NFIX: variants seen among roughly 807,000 people sequenced by gnomAD.
The protein encoded by NFIX is nuclear factor I X.
NFIX carries 2 observed loss-of-function variants against 53.3 expected under a neutral mutation model. The ratio of observed to expected loss-of-function variants is 0.04; its 90% CI spans 0.02 to 0.12. The LOEUF is 0.12. Among genes scored for constraint, NFIX ranks in the 10% least tolerant of loss-of-function variants. The pLI is 1.00. For synonymous variants in NFIX, 244 were observed against 289.0 expected, an observed-to-expected ratio of 0.84 and a Z score of 1.58; for missense variants, 310 against 674.5, an observed-to-expected ratio of 0.46 and a Z score of 5.99.
chr19:13,026,380 C>CAA (rs764058826), intron 2 of NFIX, among the ~76,000 whole-genome samples: 4 of 128,918 alleles, frequency 3.1e-5, no homozygotes, highest in African/African-American at 1.1e-4. Context: ...ACAAACAAAC[C>CAA]AAAAAAAAAA....
chr19:13,090,416 A>G lies in NFIX; in HGVS notation c.1494+26A>G. 6.3e-7 allele frequency: 1 copy of G among 1,595,038 alleles called. No individual in the cohort carries two copies. The highest frequency in any genetic ancestry group is 8.6e-7 in the Non-Finnish European group (1 of 1,162,796). ...GTAGGAGACCCTGCCCACCACCTGG[A>G]TGCAGGGACCAGGGGAGTAGTCAGG... On this transcript the variant is annotated intron_variant, in intron 10 of 10. Coordinates refer to ENST00000592199, the MANE Select transcript of NFIX (RefSeq NM_001365902.3). The surrounding 1 kb of genome is among the most constrained non-coding windows in gnomAD (Gnocchi z 6.6).
rs1373150630 is a variant in NFIX, at chr19:13,081,058, G to A, written c.1079-622G>A. On this transcript the variant is annotated intron_variant, in intron 7 of 10. Transcript: ENST00000592199. The surrounding 1 kb of genome is among the most constrained non-coding windows in gnomAD (Gnocchi z 4.7). ...CTCATGCCTGTAATCCCAGCACTTT[G>A]GGAGGCCAAGGCAGGCAGATCACTT... 6.6e-6 allele frequency among the ~76,000 whole-genome samples: 1 copy of A among 151,950 alleles called. No homozygotes were observed. Among genetic ancestry groups the A allele is most frequent in the East Asian group, 1.9e-4 (1 of 5,186 alleles).
chr19:13,000,021 G>A (rs532067295), intron 1 of NFIX, among the ~76,000 whole-genome samples: 1 of 152,334 alleles, frequency 6.6e-6, no homozygotes, highest in South Asian at 2.1e-4. Flanking sequence ...AGAGCCGAGG[G>A]CTCTGCCGGG....
Position 13,011,433 on chromosome 19 carries a change from C to T in NFIX, c.28-13588C>T, listed in dbSNP as rs2012336142. Among the ~76,000 whole-genome samples, 1 of 152,224 alleles carries T rather than the reference C, an allele frequency of 6.6e-6. No homozygotes were observed. The highest frequency in any genetic ancestry group is 2.4e-5 in the African/African-American group (1 of 41,468). On this transcript the variant is annotated intron_variant, in intron 1 of 10. Transcript: ENST00000592199. This position sits in a 1 kb window ranked among gnomAD's most constrained non-coding sequence, Gnocchi z 6.5. ...GCTCGGGCCGCACGCTACCCGCCCT[C>T]CAGGCCTTCGCTCCAGGTGCGCCCG...
chr19:13,092,131 G>C (rs2018182944), intron 10 of NFIX, among the ~76,000 whole-genome samples: 1 of 152,162 alleles, frequency 6.6e-6, no homozygotes, highest in South Asian at 2.1e-4. Flanking sequence ...GGCGCAGGGG[G>C]TACAGCCGGG....
chr19:13,044,771 TGTC>T (rs2014876711), intron 2 of NFIX, among the ~76,000 whole-genome samples: 2 of 152,246 alleles, frequency 1.3e-5, no homozygotes, highest in East Asian at 1.9e-4. Context: ...AGATTACAAT[TGTC>T]GTAATTACAG....
Position 13,052,468 on chromosome 19 carries a change from G to T in NFIX, c.560-20579G>T, listed in dbSNP as rs1005433551. Among the ~76,000 whole-genome samples the T allele has an allele frequency of 6.6e-6, 1 of 152,204 alleles. No homozygotes were observed. Among genetic ancestry groups the T allele is most frequent in the Non-Finnish European group, 1.5e-5 (1 of 68,024 alleles). ...ATGTCCTGGTGACGATGCAGGAGCT[G>T]CCAGGCAGGACCACCATGAGTCACT... On this transcript the variant is annotated intron_variant, in intron 2 of 10. Transcript: ENST00000592199. This position sits in a 1 kb window ranked among gnomAD's most constrained non-coding sequence, Gnocchi z 5.2.
At position 13,037,345 on chromosome 19, in the gene NFIX, A is replaced by G. The variant is rs993503164; in HGVS notation, c.559+11793A>G. ...AGGGCATGACCACTTCCCCTACCAG[A>G]CGTAGTAGGCCAGTTTCAGCCTTAG... On this transcript the variant is annotated intron_variant, in intron 2 of 10. Coordinates refer to ENST00000592199, the MANE Select transcript of NFIX (RefSeq NM_001365902.3). This position sits in a 1 kb window ranked among gnomAD's most constrained non-coding sequence, Gnocchi z 4.2. Among the ~76,000 whole-genome samples the G allele has an allele frequency of 1.3e-5, 2 of 152,142 alleles. No homozygotes were observed. The highest frequency in any genetic ancestry group is 4.8e-5 in the African/African-American group (2 of 41,414).
chr19:13,012,920 G>C lies in NFIX; in HGVS notation c.28-12101G>C, dbSNP rs2012445047. Among the ~76,000 whole-genome samples, 1 of 150,200 alleles carries C rather than the reference G, an allele frequency of 6.7e-6. No homozygotes were observed. Among genetic ancestry groups the C allele is most frequent in the African/African-American group, 2.4e-5 (1 of 41,330 alleles). Reference sequence around the variant, plus strand: ...AGTAAAGGCGGGGAAATTTACCAGGGGAGATTTTTGTTTCCAGGGTTGGCT... The same window carrying C: ...AGTAAAGGCGGGGAAATTTACCAGGCGAGATTTTTGTTTCCAGGGTTGGCT... On this transcript the variant is annotated intron_variant, in intron 1 of 10. Coordinates refer to ENST00000592199, the MANE Select transcript of NFIX (RefSeq NM_001365902.3). This position sits in a 1 kb window ranked among gnomAD's most constrained non-coding sequence, Gnocchi z 5.0.
At chr19:13,008,505 C>T (rs1197415612) in intron 1 of NFIX, among the ~76,000 whole-genome samples, 3 of 152,212 alleles carry the variant, frequency 2.0e-5, no homozygotes, top group Non-Finnish European at 4.4e-5. Context: ...GGAGCCCATG[C>T]TGACGTTACT....
intron 2 of NFIX, among the ~76,000 whole-genome samples, chr19:13,054,923 GT>G (rs762683275): frequency 8.5e-5 from 13 of 152,242 alleles, no homozygotes; most frequent in South Asian, 2.1e-4. Flanking sequence ...GCTTTGGGGG[GT>G]TTTCCCCCCC....
intron 1 of NFIX, among the ~76,000 whole-genome samples, chr19:13,016,522 C>G (rs1006929949): frequency 2.6e-5 from 4 of 152,078 alleles, no homozygotes; most frequent in Admixed American, 2.6e-4. Flanking sequence ...CCCTGCCCCC[C>G]GCCCCCGCAT....
chr19:13,071,866 TTGCC>T (rs2016796767), intron 2 of NFIX, among the ~76,000 whole-genome samples: 1 of 152,160 alleles, frequency 6.6e-6, no homozygotes, highest in Non-Finnish European at 1.5e-5. Flanking sequence ...GCTCTGTTCC[TTGCC>T]TCCCAAGTGA....
At chr19:13,024,868 A>C in intron 1 of NFIX, 153 bp from the exon 2 acceptor site, 1 of 1,320,856 alleles carries the variant, frequency 7.6e-7, no homozygotes, top group South Asian at 1.3e-5. Context: ...TCGCAAGAGA[A>C]AATTGTTGGG....
intron 8 of NFIX, chr19:13,082,386 T>A (rs2145478733): frequency 6.6e-6 from 1 of 152,320 alleles, no homozygotes; most frequent in East Asian, 1.9e-4. Context: ...GTCTTGATAA[T>A]AAAAAAAAGT....
At position 13,088,058 on chromosome 19, in the gene NFIX, C is replaced by T. The variant is rs1449334535; in HGVS notation, c.1324C>T (p.Pro442Ser). The T allele has an allele frequency of 2.6e-6, 4 of 1,536,208 alleles. No individual in the cohort carries two copies. In the African/African-American group the frequency reaches 5.5e-5, roughly 21 times the overall value. Residue 442 changes from proline (P) to serine (S), a missense_variant, in exon 9 of 11, where the codon CCT (proline) becomes TCT (serine). Around this residue, in one of 5 missense-constraint regions of NFIX, gnomAD observed 35 missense variants for 114.8 expected, o/e 0.30. Coordinates refer to ENST00000592199, the MANE Select transcript of NFIX (RefSeq NM_001365902.3). This position sits in a 1 kb window ranked among gnomAD's most constrained non-coding sequence, Gnocchi z 5.9. Reference sequence around the variant, plus strand: ...ACCGCCGCCGCCTCCAGTGGCCAGACCTGTGCCCCTTCCTATGCCTGATTC... The same window carrying T: ...ACCGCCGCCGCCTCCAGTGGCCAGATCTGTGCCCCTTCCTATGCCTGATTC... Reference protein sequence around the residue: ...LLPPPPPVARPVPLPMPDSKS... With the variant: ...LLPPPPPVARSVPLPMPDSKS...
At chr19:13,031,260 TG>T (rs2013781777) in intron 2 of NFIX, among the ~76,000 whole-genome samples, 2 of 151,852 alleles carry the variant, frequency 1.3e-5, no homozygotes, top group South Asian at 4.2e-4. Context: ...GGCTATGACA[TG>T]GGGGAAAAAA....
chr19:13,085,831 C>T (rs569182162), intron 8 of NFIX, among the ~76,000 whole-genome samples: 45 of 152,256 alleles, frequency 3.0e-4, no homozygotes, highest in African/African-American at 4.1e-4. Flanking sequence ...CCTGGGCTTC[C>T]GTGACTTTAA....
At chr19:13,010,561 C>T (rs2012283224) in intron 1 of NFIX, among the ~76,000 whole-genome samples, 1 of 152,256 alleles carries the variant, frequency 6.6e-6, no homozygotes, top group Admixed American at 6.5e-5. Flanking sequence ...CTATAACATG[C>T]CCCTATCGGG....
Sources: allele counts gnomAD v4.1 joint callset (sites outside exome capture counted in the v4.1 genomes callset), GRCh38; gene constraint gnomAD v4.1.1; regional missense constraint gnomAD v4.1.1; non-coding constraint Gnocchi (gnomAD v3.1); transcripts MANE v1.5; gene names NCBI Gene and HGNC (gene_info 2026-07-23, HGNC 2026-07-21).